PPIL6: variants seen among roughly 807,000 people sequenced by gnomAD.
The protein encoded by PPIL6 is probable inactive peptidyl-prolyl cis-trans isomerase-like 6.
In PPIL6, 39 loss-of-function variants were observed where a neutral mutation model predicts 36.8. That is an observed-to-expected ratio of 1.06 (90% CI 0.82 to 1.38). The LOEUF (loss-of-function observed/expected upper bound fraction) is 1.38, where lower values mean the gene tolerates loss of function less well. PPIL6 is among the 40% of genes most tolerant of loss of function. PPIL6 has a pLI of 0.00. For synonymous variants in PPIL6, 123 were observed against 134.1 expected, an observed-to-expected ratio of 0.92 and a Z score of 0.57; for missense variants, 368 against 379.1, an observed-to-expected ratio of 0.97 and a Z score of 0.24.
Position 109,427,144 on chromosome 6 carries a change from A to T in PPIL6, c.433T>A (p.Phe145Ile), listed in dbSNP as rs1397456986. ...FLRDTKHDFV[F>I]LDICIDSSPI... ...GAAGAATCAATACAAATGTCCAAAA[A>T]CACGAAATCATGCTGTGAAGATTAA... Residue 145 changes from phenylalanine to isoleucine, a missense_variant, in exon 4 of 8, where the codon TTT becomes ATT. Coordinates refer to ENST00000521072, the MANE Select transcript of PPIL6 (RefSeq NM_173672.5). 2 of 1,611,456 alleles carry T rather than the reference A, an allele frequency of 1.2e-6. No individual in the cohort carries two copies. Among genetic ancestry groups the T allele is most frequent in the Non-Finnish European group, 1.7e-6 (2 of 1,178,128 alleles).
rs1372627255 is a variant in PPIL6, at chr6:109,440,198, T to A, written c.135+258A>T. On this transcript the variant is annotated intron_variant, in intron 1 of 7. Transcript: ENST00000521072. ...GGGATTACCTTATCTCCCAGCGCGG[T>A]TCTGAACCCTTCCTTCGCTCAGTTC... The A allele has an allele frequency of 1.8e-5, 10 of 561,650 alleles. No individual in the cohort carries two copies. In the African/African-American group the frequency reaches 1.9e-4, roughly 11 times the overall value. The allele number at this position is 561,650 out of a possible 1,614,324, so 34.8% of individuals were successfully genotyped here. A position where few individuals can be genotyped will look rare whatever the true frequency, so the allele number is the denominator to read the frequency against.
At chr6:109,397,465 A>G (rs1772347365) in intron 7 of PPIL6, among the ~76,000 whole-genome samples, 1 of 152,208 alleles carries the variant, frequency 6.6e-6, no homozygotes, top group African/African-American at 2.4e-5. Flanking sequence ...ACTGTCACAT[A>G]GCTATTGGCT....
At position 109,427,231 on chromosome 6, in the gene PPIL6, C is replaced by G. The variant is rs540081133; in HGVS notation, c.421-75G>C. ...AAGTTTTCAGAAATGACCAAAAATACAGCAGATACAATATTTTTAGTGAAA... is the reference window on the plus strand; with the variant it reads ...AAGTTTTCAGAAATGACCAAAAATAGAGCAGATACAATATTTTTAGTGAAA... On this transcript the variant is annotated intron_variant, in intron 3 of 7. Transcript: ENST00000521072. 46 of 897,794 alleles carry G rather than the reference C, an allele frequency of 5.1e-5. No homozygotes were observed. In the African/African-American group the frequency reaches 7.0e-4, roughly 14 times the overall value. 55.6% of individuals were successfully genotyped at this position (897,794 alleles called of 1,614,324 possible).
intron 5 of PPIL6, among the ~76,000 whole-genome samples, chr6:109,425,808 A>G (rs956171639): frequency 6.6e-6 from 1 of 151,938 alleles, no homozygotes; most frequent in Non-Finnish European, 1.5e-5. Flanking sequence ...GAGAGTCAAC[A>G]CTGAACTCAT....
chr6:109,439,999 G>T (rs1774712846), intron 1 of PPIL6, among the ~76,000 whole-genome samples: 1 of 152,174 alleles, frequency 6.6e-6, no homozygotes, highest in Non-Finnish European at 1.5e-5. Context: ...AAAATTCAAA[G>T]AAAAGAATCT....
chr6:109,400,769 TCCATTCCATGTACTTTC>T (rs1371698502), intron 6 of PPIL6, among the ~76,000 whole-genome samples: 2 of 152,210 alleles, frequency 1.3e-5, no homozygotes, highest in Admixed American at 6.5e-5. Context: ...TGGGCAGATT[TCCATTCCATGTACTTTC>T]CCATTCCATG....
At chr6:109,410,725 T>G (rs1207957389) in intron 6 of PPIL6, among the ~76,000 whole-genome samples, 1 of 152,178 alleles carries the variant, frequency 6.6e-6, no homozygotes, top group East Asian at 1.9e-4. Context: ...CTGATTCAAC[T>G]TTAGTTGCCA....
intron 6 of PPIL6, among the ~76,000 whole-genome samples, chr6:109,403,820 C>T (rs138776410): frequency 1.3e-5 from 2 of 152,262 alleles, no homozygotes; most frequent in Non-Finnish European, 2.9e-5. Context: ...CAGTTTTTCA[C>T]AGCCCCAGTT....
At chr6:109,435,488 G>A (rs1774395142) in intron 2 of PPIL6, among the ~76,000 whole-genome samples, 1 of 151,970 alleles carries the variant, frequency 6.6e-6, no homozygotes, top group African/African-American at 2.4e-5. Flanking sequence ...CGTAGAGACG[G>A]AGTTTCACCA....
At chr6:109,395,177 C>T (rs1582516868) in intron 7 of PPIL6, among the ~76,000 whole-genome samples, 1 of 152,034 alleles carries the variant, frequency 6.6e-6, no homozygotes, top group Non-Finnish European at 1.5e-5. Flanking sequence ...GAGGCTGAGG[C>T]GGGTGGATCA....
rs561576823 is a variant in PPIL6, at chr6:109,421,295, T to C, written c.632-2052A>G. Among the ~76,000 whole-genome samples the C allele has an allele frequency of 1.5e-4, 23 of 152,374 alleles. No individual in the cohort carries two copies. The Middle Eastern group carries it at 0.01, about 68-fold the overall frequency. On this transcript the variant is annotated intron_variant, in intron 5 of 7. Transcript: ENST00000521072. ...AGCCTTGTATATCTGATATTATTGC[T>C]ATACTTCTGACAACAAATTCAGAGA...
intron 6 of PPIL6, among the ~76,000 whole-genome samples, chr6:109,400,635 G>A (rs1197487263): frequency 6.6e-6 from 1 of 151,986 alleles, no homozygotes; most frequent in African/African-American, 2.4e-5. Flanking sequence ...TATAACACTC[G>A]ATGTAATTAT....
At chr6:109,405,461 C>T (rs547563026) in intron 6 of PPIL6, among the ~76,000 whole-genome samples, 20 of 152,300 alleles carry the variant, frequency 1.3e-4, no homozygotes, top group Non-Finnish European at 2.2e-4. Flanking sequence ...TGTTTAACCT[C>T]GAGAATTTCT....
At chr6:109,419,317 A>C (rs1276613395) in intron 5 of PPIL6, 74 bp from the exon 6 acceptor site, 1 of 1,052,212 alleles carries the variant, frequency 9.5e-7, no homozygotes, top group Non-Finnish European at 1.5e-6. Context: ...ACAGGGAAAA[A>C]ATTTTGCTTT....
intron 7 of PPIL6, among the ~76,000 whole-genome samples, chr6:109,397,258 G>A (rs1361456341): frequency 6.6e-6 from 1 of 151,696 alleles, no homozygotes; most frequent in Admixed American, 6.6e-5. Flanking sequence ...GGACAGAGTG[G>A]TGATAACAAA....
rs1012238450 is a variant in PPIL6 at position 109,391,595 on chromosome 6, C to T, written c.*1231G>A. ...ATGAACACAGAATCTCTGCCCCACG[C>T]CTGGGAACTCTGCCTCAGTAGGTCA... On this transcript the variant is annotated 3_prime_UTR_variant, in exon 8 of 8. Transcript: ENST00000521072. 4 of 152,180 alleles carry T rather than the reference C, an allele frequency of 2.6e-5. No homozygotes were observed. Among genetic ancestry groups the T allele is most frequent in the Non-Finnish European group, 5.9e-5 (4 of 68,086 alleles). 9.4% of individuals were successfully genotyped at this position (152,180 alleles called of 1,614,324 possible). A position where few individuals can be genotyped will look rare whatever the true frequency, so the allele number is the denominator to read the frequency against.
intron 7 of PPIL6, among the ~76,000 whole-genome samples, chr6:109,395,503 A>C (rs186801392): frequency 6.9e-4 from 105 of 151,916 alleles, no homozygotes; most frequent in African/African-American, 2.5e-3. Context: ...AGTGGCTGTC[A>C]TACTGGGCCG....
Position 109,440,571 on chromosome 6 carries a change from C to T in PPIL6, c.20G>A (p.Cys7Tyr), listed in dbSNP as rs1774794793. The T allele has an allele frequency of 1.4e-6, 2 of 1,436,680 alleles. No individual in the cohort carries two copies. Among genetic ancestry groups the T allele is most frequent in the Middle Eastern group, 2.3e-4 (1 of 4,330 alleles). The allele number at this position is 1,436,680 out of a possible 1,614,324, so 89.0% of individuals were successfully genotyped here. A position where few individuals can be genotyped will look rare whatever the true frequency, so the allele number is the denominator to read the frequency against. The change falls in exon 1 of 8, where the codon TGC becomes TAC. Residue 7 changes from cysteine (C) to tyrosine (Y), a missense_variant. Physicochemically the swap from Cys to Tyr is radical, Grantham distance 194. Coordinates refer to ENST00000521072, the MANE Select transcript of PPIL6 (RefSeq NM_173672.5). MARPQP[C>Y]GPPHARCGSP... is the part of the protein sequence containing the mutation. Reference sequence around the variant, plus strand: ...GCCGCACCTAGCGTGCGGGGGCCCGCACGGCTGCGGCCTTGCCATGGCCGC... The same window carrying T: ...GCCGCACCTAGCGTGCGGGGGCCCGTACGGCTGCGGCCTTGCCATGGCCGC...
At chr6:109,424,109 G>A (rs1773690353) in intron 5 of PPIL6, among the ~76,000 whole-genome samples, 1 of 152,168 alleles carries the variant, frequency 6.6e-6, no homozygotes, top group Non-Finnish European at 1.5e-5. Context: ...AGGGTGGCAG[G>A]AGGGGTGAGC....
Sources: allele counts gnomAD v4.1 joint callset (sites outside exome capture counted in the v4.1 genomes callset), GRCh38; gene constraint gnomAD v4.1.1; transcripts MANE v1.5; gene names NCBI Gene and HGNC (gene_info 2026-07-23, HGNC 2026-07-21).